The following SPATA17 variants were observed in gnomAD, a reference collection of about 807,000 sequenced individuals.
The protein encoded by SPATA17 is spermatogenesis associated 17.
SPATA17 carries 53 observed loss-of-function variants against 62.2 expected under a neutral mutation model. The observed-to-expected ratio is 0.85, with a 90% CI of 0.68 to 1.07. SPATA17 has a LOEUF of 1.07. Ranked by LOEUF, SPATA17 falls within the 50% of genes least tolerant of loss-of-function variation. The pLI, the probability that SPATA17 is intolerant of heterozygous loss-of-function variation, is 0.00. For synonymous variants in SPATA17, 146 were observed against 146.8 expected, an observed-to-expected ratio of 0.99 and a Z score of 0.04; for missense variants, 466 against 425.5, an observed-to-expected ratio of 1.10 and a Z score of -0.84.
intron 1 of SPATA17, among the ~76,000 whole-genome samples, chr1:217,644,515 A>G (rs1049243138): frequency 6.6e-6 from 1 of 152,202 alleles, no homozygotes; most frequent in African/African-American, 2.4e-5. Context: ...AAGAAAGAGT[A>G]TTGAGTTTTT....
At chr1:217,733,774 A>G (rs1324591460) in intron 5 of SPATA17, among the ~76,000 whole-genome samples, 2 of 152,120 alleles carry the variant, frequency 1.3e-5, no homozygotes, top group African/African-American at 2.4e-5. Context: ...TTTTCCTTTC[A>G]TTTTTTAATG....
At chr1:217,793,169 GAGA>G (rs1227190329) in intron 8 of SPATA17, among the ~76,000 whole-genome samples, 1 of 151,350 alleles carries the variant, frequency 6.6e-6, no homozygotes, top group Non-Finnish European at 1.5e-5. Context: ...ACTATATAGA[GAGA>G]AGATTACAGA....
At chr1:217,644,634 A>AT (rs1000095197) in intron 1 of SPATA17, among the ~76,000 whole-genome samples, 17 of 150,686 alleles carry the variant, frequency 1.1e-4, no homozygotes, top group Middle Eastern at 3.4e-3. Flanking sequence ...TTAACTACAC[A>AT]TTTTTTTTTC....
intron 1 of SPATA17, among the ~76,000 whole-genome samples, chr1:217,632,801 T>C (rs552045634): frequency 6.6e-6 from 1 of 152,344 alleles, no homozygotes; most frequent in East Asian, 1.9e-4. Flanking sequence ...TCTATTTATT[T>C]AGAGTATGTG....
At chr1:217,645,327 T>C (rs1291797577) in intron 1 of SPATA17, among the ~76,000 whole-genome samples, 1 of 152,164 alleles carries the variant, frequency 6.6e-6, no homozygotes, top group East Asian at 1.9e-4. Context: ...TGATTGCTTC[T>C]CTTCTGCATT....
At chr1:217,762,435 C>G (rs1673192424) in intron 6 of SPATA17, among the ~76,000 whole-genome samples, 1 of 152,176 alleles carries the variant, frequency 6.6e-6, no homozygotes, top group Non-Finnish European at 1.5e-5. Flanking sequence ...TCTTACATTC[C>G]TCTTAATTAA....
chr1:217,760,677 A>T (rs1673151405), intron 6 of SPATA17, among the ~76,000 whole-genome samples: 1 of 152,222 alleles, frequency 6.6e-6, no homozygotes, highest in Non-Finnish European at 1.5e-5. Flanking sequence ...ATAAAGTTTA[A>T]CAAATGCCCA....
chr1:217,824,493 T>C (rs961284369), intron 9 of SPATA17, among the ~76,000 whole-genome samples: 1 of 151,448 alleles, frequency 6.6e-6, no homozygotes, highest in African/African-American at 2.4e-5. Context: ...TTTTATTGAT[T>C]CCATCTTTTC....
In SPATA17 at chr1:217,741,802, C is replaced by A. The variant is rs547062298; in HGVS notation, c.396-173C>A. On this transcript the variant is annotated intron_variant, in intron 5 of 10. Coordinates refer to ENST00000366933, the MANE Select transcript of SPATA17 (RefSeq NM_138796.4). ...TAATCACTGAAAAGTCACATAAATG[C>A]TTTCTAAATATTGCAAAGATTCATG... Among the ~76,000 whole-genome samples, 5 of 152,118 alleles carry A rather than the reference C, an allele frequency of 3.3e-5. No homozygotes were observed. In the South Asian group the frequency reaches 1.0e-3, roughly 31 times the overall value.
At chr1:217,783,453 T>C (rs1206620576) in intron 8 of SPATA17, among the ~76,000 whole-genome samples, 3 of 152,064 alleles carry the variant, frequency 2.0e-5, no homozygotes, top group African/African-American at 7.2e-5. Context: ...ATTCTTTCAA[T>C]AATTGATTGG....
At position 217,742,131 on chromosome 1, in the gene SPATA17, G is replaced by A. The variant is rs765816632; in HGVS notation, c.519+33G>A. On this transcript the variant is annotated intron_variant, in intron 6 of 10. Coordinates refer to ENST00000366933, the MANE Select transcript of SPATA17 (RefSeq NM_138796.4). ...TACCTGTCCCTGACAGCTCCTGTAA[G>A]CCACTTGGGCCCCTAGCCTGACAAA... 1.8e-5 allele frequency: 29 copies of A among 1,611,504 alleles called. No individual in the cohort carries two copies. In the Admixed American group the frequency reaches 1.8e-4, roughly 10 times the overall value.
intron 5 of SPATA17, among the ~76,000 whole-genome samples, chr1:217,729,125 C>T (rs974916894): frequency 3.3e-5 from 5 of 152,204 alleles, no homozygotes; most frequent in South Asian, 2.1e-4. Context: ...ATTGCCACCA[C>T]GGCCTATTGC....
chr1:217,807,059 G>A (rs1178571466), intron 9 of SPATA17, among the ~76,000 whole-genome samples: 1 of 152,088 alleles, frequency 6.6e-6, no homozygotes, highest in East Asian at 1.9e-4. Flanking sequence ...TATATACCAT[G>A]GAATACTATA....
At chr1:217,790,587 T>C (rs926392153) in intron 8 of SPATA17, among the ~76,000 whole-genome samples, 2 of 152,078 alleles carry the variant, frequency 1.3e-5, no homozygotes, top group South Asian at 2.1e-4. Context: ...ACTACAGGCG[T>C]CCGCCACCGT....
intron 5 of SPATA17, among the ~76,000 whole-genome samples, chr1:217,729,127 G>A (rs1672339589): frequency 6.6e-6 from 1 of 152,176 alleles, no homozygotes; most frequent in Non-Finnish European, 1.5e-5. Flanking sequence ...TGCCACCACG[G>A]CCTATTGCCT....
At chr1:217,669,853 A>C (rs1670794584) in intron 4 of SPATA17, among the ~76,000 whole-genome samples, 1 of 152,114 alleles carries the variant, frequency 6.6e-6, no homozygotes, top group Non-Finnish European at 1.5e-5. Context: ...ATAGTGGCTA[A>C]GTTAACATTA....
chr1:217,701,495 C>T (rs1671597229), intron 5 of SPATA17, among the ~76,000 whole-genome samples: 1 of 151,980 alleles, frequency 6.6e-6, no homozygotes, highest in African/African-American at 2.4e-5. Flanking sequence ...AAGCGATTCT[C>T]CTGCCTCAAT....
intron 10 of SPATA17, chr1:217,866,362 T>C: frequency 6.6e-6 from 1 of 152,198 alleles, no homozygotes; most frequent in Non-Finnish European, 1.5e-5. Flanking sequence ...TGTTTTGCTA[T>C]GTTTTTCCAT....
At chr1:217,838,823 G>A (rs954321371) in intron 9 of SPATA17, among the ~76,000 whole-genome samples, 5 of 151,930 alleles carry the variant, frequency 3.3e-5, no homozygotes, top group Non-Finnish European at 5.9e-5. Flanking sequence ...TTTCTAGGTT[G>A]GTTCAAACAT....
Sources: allele counts gnomAD v4.1 joint callset (sites outside exome capture counted in the v4.1 genomes callset), GRCh38; gene constraint gnomAD v4.1.1; transcripts MANE v1.5; gene names NCBI Gene and HGNC (gene_info 2026-07-23, HGNC 2026-07-21).